Variants in FGF14 observed in about 807,000 individuals in gnomAD.
The protein encoded by FGF14 is fibroblast growth factor 14, also known as fibroblast growth factor homologous factor 4.
In FGF14, 5 loss-of-function variants were observed where a neutral mutation model predicts 25.5. The observed-to-expected ratio is 0.20, with a 90% CI of 0.10 to 0.41. FGF14 has a LOEUF of 0.41. FGF14 is among the 10% of genes least tolerant of loss of function. The pLI is 1.00. For missense variants in FGF14, 222 were observed against 320.1 expected (o/e 0.69, Z 2.34); for synonymous variants, 138 against 118.3 (o/e 1.17, Z -1.08).
chr13:102,359,900 C>CA (rs2057520053), intron 1 of FGF14, among the ~76,000 whole-genome samples: 1 of 148,016 alleles, frequency 6.8e-6, no homozygotes, highest in African/African-American at 2.5e-5. Context: ...GCTGTGTTTA[C>CA]AATTTTTTTC....
chr13:101,741,693 A>G (rs2036572067), intron 3 of FGF14, among the ~76,000 whole-genome samples: 1 of 151,054 alleles, frequency 6.6e-6, no homozygotes, highest in South Asian at 2.1e-4. Flanking sequence ...TATTCTATAT[A>G]CTTTGATTCT....
chr13:102,257,343 T>TC (rs2052496681), intron 1 of FGF14, among the ~76,000 whole-genome samples: 4 of 74,044 alleles, frequency 5.4e-5, no homozygotes, highest in Non-Finnish European at 1.1e-4. Context: ...CTTTCTTTTC[T>TC]TTTTTTTTTT....
At chr13:102,115,309 G>C (rs536245260) in intron 1 of FGF14, among the ~76,000 whole-genome samples, 3 of 152,226 alleles carry the variant, frequency 2.0e-5, no homozygotes, top group East Asian at 3.9e-4. Flanking sequence ...CAACAGGAAG[G>C]CTTTATCATA....
intron 1 of FGF14, among the ~76,000 whole-genome samples, chr13:102,229,556 A>C (rs1011401783): frequency 1.3e-5 from 2 of 152,194 alleles, no homozygotes; most frequent in African/African-American, 4.8e-5. Flanking sequence ...TTCATGGCAG[A>C]CAACTGCCTC....
intron 1 of FGF14, among the ~76,000 whole-genome samples, chr13:102,253,862 C>T (rs1204582060): frequency 2.0e-5 from 3 of 152,138 alleles, no homozygotes; most frequent in African/African-American, 2.4e-5. Flanking sequence ...GCTATATAAG[C>T]CTCTTAATTA....
chr13:102,257,058 C>T lies in FGF14; in HGVS notation c.208+144413G>A, dbSNP rs576220845. Among the ~76,000 whole-genome samples, 8 of 152,148 alleles carry T rather than the reference C, an allele frequency of 5.3e-5. No homozygotes were observed. The East Asian group carries it at 1.4e-3, about 26-fold the overall frequency. ...ATAAGGAAAAAGGAGAATTGGCTTG[C>T]ATAATAATTGGCATAATAAAGGCAG... On this transcript the variant is annotated intron_variant, in intron 1 of 4. Transcript: ENST00000376131.
At chr13:102,325,447 G>A (rs2056393221) in intron 1 of FGF14, among the ~76,000 whole-genome samples, 2 of 151,920 alleles carry the variant, frequency 1.3e-5, no homozygotes, top group African/African-American at 2.4e-5. Context: ...TCTGATCTTG[G>A]GTCTTACCAC....
intron 1 of FGF14, among the ~76,000 whole-genome samples, chr13:102,001,418 G>T (rs541305839): frequency 6.6e-6 from 1 of 152,186 alleles, no homozygotes; most frequent in South Asian, 2.1e-4. Context: ...GAGACTTTTG[G>T]ATCATGTACT....
chr13:101,753,396 A>G (rs115757429), intron 3 of FGF14, among the ~76,000 whole-genome samples: 2,964 of 152,182 alleles, frequency 0.019, 99 homozygotes, highest in African/African-American at 0.068. Context: ...TTCTCAACTT[A>G]AAGTCTTAAA....
chr13:102,349,177 T>A (rs2057201317), intron 1 of FGF14, among the ~76,000 whole-genome samples: 1 of 152,198 alleles, frequency 6.6e-6, no homozygotes, highest in Non-Finnish European at 1.5e-5. Context: ...TCACTAGTGC[T>A]GCTGTTCAGA....
At chr13:101,990,396 A>AT (rs1490923627) in intron 1 of FGF14, among the ~76,000 whole-genome samples, 2 of 151,850 alleles carry the variant, frequency 1.3e-5, no homozygotes, top group Non-Finnish European at 2.9e-5. Context: ...AAAGGGCATG[A>AT]TTTTTAACAA....
chr13:102,336,224 A>T (rs1007669604), intron 1 of FGF14, among the ~76,000 whole-genome samples: 1 of 152,192 alleles, frequency 6.6e-6, no homozygotes, highest in African/African-American at 2.4e-5. Context: ...TGTGAAGGAA[A>T]AGTTCTTAAA....
chr13:102,009,471 T>C (rs974073933), intron 1 of FGF14, among the ~76,000 whole-genome samples: 7 of 152,152 alleles, frequency 4.6e-5, no homozygotes, highest in African/African-American at 1.2e-4. Flanking sequence ...CATACTTGTA[T>C]TGATATCTAT....
rs556509693 is a variant in FGF14, at chr13:101,726,655, C to T, written c.564G>A (p.Lys188=). 6.9e-5 allele frequency: 111 copies of T among 1,613,468 alleles called. 1 individual carries two copies. The highest frequency in any genetic ancestry group is 7.0e-5 in the Non-Finnish European group (82 of 1,179,634). ...GAAAATGAGCTGCTGGTTTGGTTTT[C>T]TTTACTCTGTTCCCTTTCATAGCTT... ...EGQAMKGNRV[K]KTKPAAHFLP... The change falls in exon 4 of 5, where the codon AAG becomes AAA. Residue 188 remains lysine, a synonymous_variant. Transcript: ENST00000376143.
intron 1 of FGF14, among the ~76,000 whole-genome samples, chr13:101,879,128 C>T (rs1025223070): frequency 2.0e-5 from 3 of 152,220 alleles, no homozygotes; most frequent in East Asian, 1.9e-4. Context: ...CTGAAACATT[C>T]GTGTTCAGAA....
chr13:101,742,239 T>C (rs1187608022), intron 3 of FGF14, among the ~76,000 whole-genome samples: 1 of 152,182 alleles, frequency 6.6e-6, no homozygotes, highest in Non-Finnish European at 1.5e-5. Flanking sequence ...CCTAGATGAC[T>C]GGTTGGTAGG....
chr13:101,791,544 T>G (rs542158724), intron 3 of FGF14, among the ~76,000 whole-genome samples: 1 of 152,290 alleles, frequency 6.6e-6, no homozygotes, highest in East Asian at 1.9e-4. Flanking sequence ...CTAATATTAC[T>G]TTCAACTCCT....
intron 3 of FGF14, among the ~76,000 whole-genome samples, chr13:101,747,345 G>T (rs2036956586): frequency 6.6e-6 from 1 of 152,006 alleles, no homozygotes; most frequent in Non-Finnish European, 1.5e-5. Flanking sequence ...CAGTGAAAAA[G>T]ATATAATTTC....
chr13:101,791,086 C>T (rs1188239015), intron 3 of FGF14, among the ~76,000 whole-genome samples: 5 of 152,148 alleles, frequency 3.3e-5, no homozygotes, highest in Non-Finnish European at 7.4e-5. Flanking sequence ...TGTAAAGGAA[C>T]ACTTGGTGGG....
Sources: allele counts gnomAD v4.1 joint callset (sites outside exome capture counted in the v4.1 genomes callset), GRCh38; gene constraint gnomAD v4.1.1; transcripts MANE v1.5; gene names NCBI Gene and HGNC (gene_info 2026-07-23, HGNC 2026-07-21).